The following NEO1 variants were observed in gnomAD, a reference collection of about 807,000 sequenced individuals.
The protein encoded by NEO1 is neogenin 1.
NEO1 carries 63 observed loss-of-function variants against 159.7 expected under a neutral mutation model. That is an observed-to-expected ratio of 0.39 (90% CI 0.32 to 0.49). The LOEUF (loss-of-function observed/expected upper bound fraction) is 0.49. NEO1 is among the 20% of genes least tolerant of loss of function. The pLI is 0.85. For synonymous variants in NEO1, 633 were observed against 662.0 expected (o/e 0.96, Z 0.67); for missense variants, 1,615 against 1,831.0 (o/e 0.88, Z 2.15).
intron 1 of NEO1, among the ~76,000 whole-genome samples, chr15:73,069,656 T>TTA (rs1172298651): frequency 1.3e-5 from 2 of 151,938 alleles, no homozygotes; most frequent in Admixed American, 6.6e-5. Flanking sequence ...TTATATATTT[T>TTA]TATATATATA....
At position 73,196,520 on chromosome 15, in the gene NEO1, G is replaced by T. The variant is rs146765739; in HGVS notation, c.1291+18093G>T. Among the ~76,000 whole-genome samples the T allele has an allele frequency of 2.4e-3, 366 of 152,322 alleles. 4 individuals carry two copies. The highest frequency in any genetic ancestry group is 8.4e-3 in the African/African-American group (348 of 41,560). Reference sequence around the variant, plus strand: ...ACATGCACTTTATTCCCTTGCCAGTGAAATTGTTTGAATACTCAAAACATG... The same window carrying T: ...ACATGCACTTTATTCCCTTGCCAGTTAAATTGTTTGAATACTCAAAACATG... On this transcript the variant is annotated intron_variant, in intron 7 of 28. Transcript: ENST00000261908.
chr15:73,105,044 T>C (rs2070611951), intron 1 of NEO1, among the ~76,000 whole-genome samples: 1 of 152,160 alleles, frequency 6.6e-6, no homozygotes, highest in Non-Finnish European at 1.5e-5. Flanking sequence ...TCTTGAAAAA[T>C]GTGGTCACTT....
chr15:73,107,962 A>C (rs543351521), intron 1 of NEO1, among the ~76,000 whole-genome samples: 16 of 152,290 alleles, frequency 1.1e-4, no homozygotes, highest in Non-Finnish European at 2.1e-4. Flanking sequence ...CGGGAGGATG[A>C]CTTGAAACCA....
intron 1 of NEO1, among the ~76,000 whole-genome samples, chr15:73,112,157 T>C (rs1361694191): frequency 2.0e-5 from 3 of 152,164 alleles, no homozygotes; most frequent in Non-Finnish European, 4.4e-5. Flanking sequence ...TCATTATTCA[T>C]TTTTCACAGA....
At chr15:73,135,854 G>GAAAT (rs772333845) in intron 4 of NEO1, 37 bp from the exon 5 acceptor site, 13 of 1,448,252 alleles carry the variant, frequency 9.0e-6, no homozygotes, top group Non-Finnish European at 1.1e-5. Flanking sequence ...TCCTAGTACT[G>GAAAT]AAATGTATCT....
At chr15:73,297,393 A>G (rs999309670) in intron 26 of NEO1, among the ~76,000 whole-genome samples, 4 of 152,228 alleles carry the variant, frequency 2.6e-5, no homozygotes, top group African/African-American at 9.6e-5. Context: ...GTAAGCACCC[A>G]GTAATTTACA....
chr15:73,096,220 C>T (rs1030330276), intron 1 of NEO1, among the ~76,000 whole-genome samples: 1 of 152,136 alleles, frequency 6.6e-6, no homozygotes, highest in Admixed American at 6.5e-5. Flanking sequence ...CAATAGATAT[C>T]TCGGTTGGTT....
Position 73,052,688 on chromosome 15 carries a change from CG to C in NEO1, c.17del (p.Gly6GlufsTer67). 2.2e-6 allele frequency: 3 copies of C among 1,341,792 alleles called. No individual in the cohort carries two copies. Among genetic ancestry groups the C allele is most frequent in the South Asian group, 3.2e-5 (2 of 62,000 alleles). The allele number at this position is 1,341,792 out of a possible 1,614,324, so 83.1% of individuals were successfully genotyped here. On this transcript the variant is annotated frameshift_variant, in exon 1 of 29. Coordinates refer to ENST00000261908, the MANE Select transcript of NEO1 (RefSeq NM_002499.4). LOFTEE classifies it high-confidence loss of function. ...TCTCGGGGAAGAGATGGCGGCGGAG[CG>C]GGGAGCCCGGCGACTCCTCAGCACC... MAAE[R>X]GARRLLSTPS...
At chr15:73,245,120 T>TA (rs1337875499) in intron 9 of NEO1, among the ~76,000 whole-genome samples, 1 of 152,128 alleles carries the variant, frequency 6.6e-6, no homozygotes, top group Non-Finnish European at 1.5e-5. Context: ...CTCCACAGTC[T>TA]AAGATATTTA....
At chr15:73,196,930 C>T (rs949121575) in intron 7 of NEO1, among the ~76,000 whole-genome samples, 4 of 152,116 alleles carry the variant, frequency 2.6e-5, no homozygotes, top group Non-Finnish European at 5.9e-5. Context: ...TTTTTGGTGA[C>T]AGTTCTATGG....
chr15:73,095,125 C>T (rs772592188), intron 1 of NEO1, among the ~76,000 whole-genome samples: 1 of 151,794 alleles, frequency 6.6e-6, no homozygotes, highest in Non-Finnish European at 1.5e-5. Flanking sequence ...AGGAGAATTG[C>T]TTGAACCCAG....
intron 15 of NEO1, among the ~76,000 whole-genome samples, chr15:73,265,460 A>G (rs2040841101): frequency 6.6e-6 from 1 of 152,232 alleles, no homozygotes; most frequent in African/African-American, 2.4e-5. Context: ...TTGATGACAC[A>G]TACATGCTAA....
At chr15:73,251,354 A>G (rs1386291580) in intron 11 of NEO1, among the ~76,000 whole-genome samples, 1 of 151,890 alleles carries the variant, frequency 6.6e-6, no homozygotes, top group African/African-American at 2.4e-5. Flanking sequence ...CTACTTAAAA[A>G]ATAATAATAA....
At chr15:73,184,109 T>TA (rs2035778306) in intron 7 of NEO1, among the ~76,000 whole-genome samples, 1 of 152,104 alleles carries the variant, frequency 6.6e-6, no homozygotes, top group Admixed American at 6.5e-5. Flanking sequence ...TCTTAGAAAA[T>TA]ATACCATTCA....
intron 7 of NEO1, among the ~76,000 whole-genome samples, chr15:73,208,250 G>A (rs191157379): frequency 0.01 from 1,552 of 152,272 alleles, 10 homozygotes; most frequent in South Asian, 0.024. Flanking sequence ...TAAATAGTAC[G>A]TAGCAAAGAA....
chr15:73,288,195 G>C lies in NEO1; in HGVS notation c.3411-118G>C, dbSNP rs879186633. On this transcript the variant is annotated intron_variant, in intron 23 of 28. Transcript: ENST00000261908. ...GTTGGGGGCAGGAGGTATGTTTTTA[G>C]TTTTTGCTTTTTTTGCTTGAAACAT... 3.7e-5 allele frequency: 32 copies of C among 872,782 alleles called. No individual in the cohort carries two copies. The South Asian group carries it at 4.7e-4, about 13-fold the overall frequency. The allele number at this position is 872,782 out of a possible 1,614,324, so 54.1% of individuals were successfully genotyped here.
At chr15:73,261,213 A>G (rs1329390701) in intron 15 of NEO1, among the ~76,000 whole-genome samples, 1 of 151,954 alleles carries the variant, frequency 6.6e-6, no homozygotes, top group East Asian at 1.9e-4. Context: ...GGAACCAGCC[A>G]TTTCTCTAAG....
chr15:73,230,015 C>A (rs1053950856), intron 7 of NEO1, among the ~76,000 whole-genome samples: 1 of 151,976 alleles, frequency 6.6e-6, no homozygotes, highest in African/African-American at 2.4e-5. Flanking sequence ...GTGTTTCTTT[C>A]TTTTCTTTGT....
At chr15:73,227,897 A>G (rs1301582015) in intron 7 of NEO1, among the ~76,000 whole-genome samples, 1 of 152,236 alleles carries the variant, frequency 6.6e-6, no homozygotes, top group African/African-American at 2.4e-5. Context: ...AGGACTTTGA[A>G]CACTGTCCTG....
Sources: allele counts gnomAD v4.1 joint callset (sites outside exome capture counted in the v4.1 genomes callset), GRCh38; gene constraint gnomAD v4.1.1; transcripts MANE v1.5; gene names NCBI Gene and HGNC (gene_info 2026-07-23, HGNC 2026-07-21).